Variants in AFAP1 observed in about 807,000 individuals in gnomAD.
AFAP1 encodes the protein actin filament-associated protein 1.
In AFAP1, 75 loss-of-function variants were observed where a neutral mutation model predicts 93.9. The observed-to-expected ratio is 0.80, with a 90% CI of 0.66 to 0.97. The LOEUF (loss-of-function observed/expected upper bound fraction) is 0.97. Among genes scored for constraint, AFAP1 ranks in the 50% least tolerant of loss-of-function variants. The probability of loss-of-function intolerance (pLI) is 0.00; values close to 1 mark genes in which losing one functional copy is unlikely to be tolerated. For synonymous variants in AFAP1, 517 were observed against 430.7 expected (o/e 1.20, Z -2.48); for missense variants, 1,201 against 1,050.8 (o/e 1.14, Z -1.98).
At chr4:7,896,700 A>G (rs1423144473) in intron 1 of AFAP1, among the ~76,000 whole-genome samples, 1 of 83,984 alleles carries the variant, frequency 1.2e-5, no homozygotes, top group South Asian at 5.5e-4. Flanking sequence ...CCCAGGGCTC[A>G]GTCCTCATTC....
chr4:7,892,899 G>A (rs953481834), intron 1 of AFAP1, among the ~76,000 whole-genome samples: 2 of 152,168 alleles, frequency 1.3e-5, no homozygotes, highest in African/African-American at 2.4e-5. Context: ...TACCCTCCTT[G>A]AGATGGCAGA....
chr4:7,819,193 T>C (rs1223538921), intron 6 of AFAP1, 22 bp from the exon 7 acceptor site: 2 of 1,590,612 alleles, frequency 1.3e-6, no homozygotes, highest in South Asian at 1.1e-5. Flanking sequence ...ACAGACACTT[T>C]GTGAGTATGC....
Position 7,786,222 on chromosome 4 carries a change from T to A in AFAP1, c.1502A>T (p.Tyr501Phe), listed in dbSNP as rs1717244471. 1 of 1,614,192 alleles carries A rather than the reference T, an allele frequency of 6.2e-7. No individual in the cohort carries two copies. The highest frequency in any genetic ancestry group is 2.2e-5 in the East Asian group (1 of 44,884). Residue 501 changes from tyrosine (Y) to phenylalanine (F), a missense_variant, in exon 12 of 18, where the codon TAT becomes TTT. Tyr to Phe is a conservative substitution (Grantham distance 22). Coordinates refer to ENST00000420658, the MANE Select transcript of AFAP1 (RefSeq NM_001134647.2). ...YAHPSGTALHYDDVPCINGSW... is the reference protein window; with the variant it reads ...YAHPSGTALHFDDVPCINGSW... ...GCCGTTGATGCACGGGACATCGTCA[T>A]AATGAAGTGCCGTCCCGCTGGGGTG...
chr4:7,895,881 G>A (rs978706510), intron 1 of AFAP1, among the ~76,000 whole-genome samples: 3 of 127,226 alleles, frequency 2.4e-5, no homozygotes, highest in South Asian at 2.4e-4. Flanking sequence ...TTTTTAAGAC[G>A]GGAGTTTCAC....
intron 3 of AFAP1, among the ~76,000 whole-genome samples, chr4:7,867,559 GA>G (rs1169706323): frequency 2.0e-5 from 3 of 152,154 alleles, no homozygotes; most frequent in African/African-American, 7.2e-5. Flanking sequence ...GTATTGTTGA[GA>G]AAAGTGTGAA....
chr4:7,799,836 A>T (rs976030175), intron 10 of AFAP1, among the ~76,000 whole-genome samples: 2 of 152,218 alleles, frequency 1.3e-5, no homozygotes, highest in South Asian at 2.1e-4. Flanking sequence ...TTCTGCTTTC[A>T]TGAGTAAGAA....
chr4:7,833,190 A>C (rs1711837203), intron 6 of AFAP1, among the ~76,000 whole-genome samples: 2 of 152,204 alleles, frequency 1.3e-5, no homozygotes, highest in Admixed American at 6.5e-5. Flanking sequence ...TCATGGCAAA[A>C]CCAGTCAGCA....
intron 1 of AFAP1, among the ~76,000 whole-genome samples, chr4:7,921,430 C>T (rs968554078): frequency 2.0e-5 from 3 of 152,012 alleles, no homozygotes; most frequent in African/African-American, 7.3e-5. Context: ...GGTGATCCGC[C>T]TGTCTCCGCC....
At position 7,855,504 on chromosome 4, in the gene AFAP1, G is replaced by T. The variant is rs770523260; in HGVS notation, c.296C>A (p.Pro99Gln). 1 of 1,613,726 alleles carries T rather than the reference G, an allele frequency of 6.2e-7. No individual in the cohort carries two copies. Among genetic ancestry groups the T allele is most frequent in the Admixed American group, 1.7e-5 (1 of 59,994 alleles). The change falls in exon 4 of 18, where the codon CCG becomes CAG. Residue 99 changes from proline to glutamine, a missense_variant. Pro to Gln is a moderately conservative substitution (Grantham distance 76). Coordinates refer to ENST00000420658, the MANE Select transcript of AFAP1 (RefSeq NM_001134647.2). Reference protein sequence around the residue: ...LPEGYYEEAVPLSPGKAPEYI... With the variant: ...LPEGYYEEAVQLSPGKAPEYI... ...TTCCGGAGCTTTTCCGGGGCTCAGC[G>T]GCACAGCTTCCTCATAATAACCTTC...
At chr4:7,793,977 T>A in intron 10 of AFAP1, 151 bp from the exon 11 acceptor site, 2 of 881,310 alleles carry the variant, frequency 2.3e-6, no homozygotes, top group Non-Finnish European at 3.2e-6. Context: ...AGCGATGGGA[T>A]TAACGTCACG....
At chr4:7,889,392 C>T (rs1718311321) in intron 1 of AFAP1, among the ~76,000 whole-genome samples, 1 of 151,378 alleles carries the variant, frequency 6.6e-6, no homozygotes, top group Non-Finnish European at 1.5e-5. Flanking sequence ...ACTAAAATTA[C>T]AAAAAATTAG....
At chr4:7,927,979 C>A (rs1438540999) in intron 1 of AFAP1, among the ~76,000 whole-genome samples, 1 of 152,152 alleles carries the variant, frequency 6.6e-6, no homozygotes, top group Non-Finnish European at 1.5e-5. Flanking sequence ...GGCCTAAATG[C>A]TCTTTCGTAT....
At chr4:7,856,183 TAAAACAAAGTAG>T (rs1184645391) in intron 3 of AFAP1, among the ~76,000 whole-genome samples, 4 of 152,310 alleles carry the variant, frequency 2.6e-5, no homozygotes, top group African/African-American at 9.6e-5. Context: ...AGCCACTTTC[TAAAACAAAGTAG>T]AAATTATTCT....
chr4:7,817,765 T>TAA (rs10623745), intron 7 of AFAP1, among the ~76,000 whole-genome samples: 95,957 of 145,940 alleles, frequency 0.66, 31,324 homozygotes, highest in African/African-American at 0.7. Flanking sequence ...AAAGGTTAAG[T>TAA]AAAAAAAAAA....
At chr4:7,856,460 T>C (rs1236426936) in intron 3 of AFAP1, among the ~76,000 whole-genome samples, 1 of 152,108 alleles carries the variant, frequency 6.6e-6, no homozygotes, top group Non-Finnish European at 1.5e-5. Context: ...CAGGATGGTC[T>C]CGAACTCCTG....
intron 1 of AFAP1, among the ~76,000 whole-genome samples, chr4:7,896,020 C>G (rs1353130385): frequency 6.6e-6 from 1 of 151,886 alleles, no homozygotes; most frequent in Non-Finnish European, 1.5e-5. Flanking sequence ...GCCACCACAC[C>G]CGGCTAATTT....
intron 6 of AFAP1, among the ~76,000 whole-genome samples, chr4:7,833,589 CTTTTT>C (rs33990733): frequency 5.8e-4 from 77 of 131,784 alleles, no homozygotes; most frequent in African/African-American, 2.2e-3. Context: ...GTGGAGATGT[CTTTTT>C]TTTTTTTTTT....
At chr4:7,793,514 G>A (rs1718087451) in intron 11 of AFAP1, among the ~76,000 whole-genome samples, 167 bp downstream of exon 11, 1 of 152,244 alleles carries the variant, frequency 6.6e-6, no homozygotes, top group South Asian at 2.1e-4. Flanking sequence ...CCAGTGGGCT[G>A]ACACGACAAA....
At chr4:7,881,756 G>A (rs946526161) in intron 1 of AFAP1, among the ~76,000 whole-genome samples, 4 of 151,220 alleles carry the variant, frequency 2.6e-5, no homozygotes, top group African/African-American at 9.7e-5. Context: ...ACTTCAGCCT[G>A]GGCGACAGAG....
Sources: allele counts gnomAD v4.1 joint callset (sites outside exome capture counted in the v4.1 genomes callset), GRCh38; gene constraint gnomAD v4.1.1; transcripts MANE v1.5; gene names NCBI Gene and HGNC (gene_info 2026-07-23, HGNC 2026-07-21).